FOCAD: variants seen among roughly 807,000 people sequenced by gnomAD.
FOCAD encodes the protein focadhesin.
In FOCAD, 198 loss-of-function variants were observed where a neutral mutation model predicts 225.6. The observed-to-expected ratio is 0.88, with a 90% confidence interval of 0.78 to 0.99. The LOEUF (loss-of-function observed/expected upper bound fraction) is 0.99. Ranked by LOEUF, FOCAD falls within the 50% of genes least tolerant of loss-of-function variation. The probability of loss-of-function intolerance (pLI) is 0.00; values close to 1 mark genes in which losing one functional copy is unlikely to be tolerated. For missense variants in FOCAD, 2,713 were observed against 2,123.6 expected, an observed-to-expected ratio of 1.28 and a Z score of -5.46; for synonymous variants, 897 against 755.0, an observed-to-expected ratio of 1.19 and a Z score of -3.08.
At chr9:20,665,769 G>C in intron 2 of FOCAD, among the ~76,000 whole-genome samples, 1 of 152,012 alleles carries the variant, frequency 6.6e-6, no homozygotes, top group East Asian at 1.9e-4. Context: ...GGTGGCTCAC[G>C]CCTGTAAGCC....
At chr9:20,746,437 G>A (rs1828043833) in intron 5 of FOCAD, among the ~76,000 whole-genome samples, 1 of 152,140 alleles carries the variant, frequency 6.6e-6, no homozygotes, top group Non-Finnish European at 1.5e-5. Flanking sequence ...TACTTAAAGA[G>A]CCGTGGGAAG....
At chr9:20,761,030 C>T (rs906304070) in intron 6 of FOCAD, among the ~76,000 whole-genome samples, 9 of 149,664 alleles carry the variant, frequency 6.0e-5, no homozygotes, top group Admixed American at 4.7e-4. Flanking sequence ...TGGGGGGGGG[C>T]GTTACAATTA....
chr9:20,952,267 C>A (rs1399227049), intron 34 of FOCAD, among the ~76,000 whole-genome samples: 1 of 152,136 alleles, frequency 6.6e-6, no homozygotes, highest in African/African-American at 2.4e-5. Context: ...ATCTTATACC[C>A]AGGTTCTTCT....
chr9:20,773,812 G>C (rs1318796018), intron 8 of FOCAD, among the ~76,000 whole-genome samples: 1 of 152,102 alleles, frequency 6.6e-6, no homozygotes, highest in Non-Finnish European at 1.5e-5. Context: ...TGGCTTGTGT[G>C]AGCTGGAGAG....
At chr9:20,665,058 C>T (rs1821856810) in intron 2 of FOCAD, among the ~76,000 whole-genome samples, 1 of 151,868 alleles carries the variant, frequency 6.6e-6, no homozygotes, top group Non-Finnish European at 1.5e-5. Context: ...AAATGATAAA[C>T]CAGGGTAGAG....
intron 27 of FOCAD, among the ~76,000 whole-genome samples, chr9:20,929,874 T>C (rs567590612): frequency 5.3e-5 from 8 of 152,296 alleles, no homozygotes; most frequent in Non-Finnish European, 1.2e-4. Context: ...CAGGTACCTA[T>C]GTGTGGTGGA....
intron 21 of FOCAD, among the ~76,000 whole-genome samples, chr9:20,894,128 G>A (rs1039409494): frequency 2.0e-5 from 3 of 151,990 alleles, no homozygotes; most frequent in East Asian, 3.9e-4. Context: ...GGAATCATAC[G>A]GTATATAGAT....
At chr9:20,692,625 G>A (rs1453471068) in intron 1 of FOCAD, among the ~76,000 whole-genome samples, 1 of 152,202 alleles carries the variant, frequency 6.6e-6, no homozygotes, top group African/African-American at 2.4e-5. Flanking sequence ...ATCGGCACTG[G>A]TAGGTTTGGA....
At chr9:20,842,121 T>A (rs1826593125) in intron 15 of FOCAD, among the ~76,000 whole-genome samples, 1 of 120,932 alleles carries the variant, frequency 8.3e-6, no homozygotes, top group Admixed American at 9.3e-5. Context: ...AAAGATACTT[T>A]ACATGATTTT....
At chr9:20,743,946 C>A (rs567265656) in intron 5 of FOCAD, among the ~76,000 whole-genome samples, 1 of 152,188 alleles carries the variant, frequency 6.6e-6, no homozygotes, top group South Asian at 2.1e-4. Context: ...TTCCTAAGTA[C>A]CAAGGCACCA....
At chr9:20,973,044 T>C (rs2132555391) in intron 35 of FOCAD, among the ~76,000 whole-genome samples, 1 of 152,234 alleles carries the variant, frequency 6.6e-6, no homozygotes, top group African/African-American at 2.4e-5. Flanking sequence ...CTGCTTCTCC[T>C]TGTTCCTGTG....
chr9:20,958,019 T>C (rs1472636620), intron 35 of FOCAD, among the ~76,000 whole-genome samples: 1 of 152,154 alleles, frequency 6.6e-6, no homozygotes, highest in Non-Finnish European at 1.5e-5. Context: ...GTTAAAAGCA[T>C]AGGAGTCAGG....
intron 7 of FOCAD, among the ~76,000 whole-genome samples, chr9:20,766,630 G>A (rs905219682): frequency 4.7e-5 from 7 of 149,732 alleles, no homozygotes; most frequent in African/African-American, 7.4e-5. Flanking sequence ...TTTCCTTCCC[G>A]TTTTTCCTTC....
chr9:20,762,873 C>T (rs1829737133), intron 6 of FOCAD, among the ~76,000 whole-genome samples: 1 of 152,114 alleles, frequency 6.6e-6, no homozygotes, highest in South Asian at 2.1e-4. Flanking sequence ...ACCTTCATGT[C>T]TGTGTGAACC....
intron 15 of FOCAD, among the ~76,000 whole-genome samples, chr9:20,824,416 T>G (rs1010467508): frequency 6.6e-6 from 1 of 152,110 alleles, no homozygotes; most frequent in African/African-American, 2.4e-5. Flanking sequence ...TAACATTTTT[T>G]CTTATAATAA....
At chr9:20,896,415 AAG>A (rs1285983152) in intron 21 of FOCAD, among the ~76,000 whole-genome samples, 1 of 151,914 alleles carries the variant, frequency 6.6e-6, no homozygotes, top group Non-Finnish European at 1.5e-5. Context: ...TGCCTTCTGA[AAG>A]AGACTGTTGG....
chr9:20,785,530 T>C (rs545480297), intron 10 of FOCAD, among the ~76,000 whole-genome samples: 1 of 152,262 alleles, frequency 6.6e-6, no homozygotes, highest in Non-Finnish European at 1.5e-5. Context: ...ACTGGCTTTT[T>C]TCACTTAGTA....
At chr9:20,718,325 T>C (rs1036375806) in intron 3 of FOCAD, among the ~76,000 whole-genome samples, 57 of 152,298 alleles carry the variant, frequency 3.7e-4, no homozygotes, top group African/African-American at 1.3e-3. Context: ...GCTGAAAAAT[T>C]CCATCTTACA....
intron 2 of FOCAD, among the ~76,000 whole-genome samples, chr9:20,674,304 T>C (rs372268319): frequency 6.6e-6 from 1 of 152,214 alleles, no homozygotes; most frequent in African/African-American, 2.4e-5. Flanking sequence ...GGAAATATTA[T>C]ACAATTATGT....
Sources: gnomAD v4.1 joint callset for allele counts (sites outside exome capture counted in the v4.1 genomes callset) on GRCh38, gnomAD v4.1.1 for gene constraint, MANE v1.5 for transcripts, NCBI Gene and HGNC (gene_info 2026-07-23, HGNC 2026-07-21) for gene names.